Variants in SCN8A observed in about 807,000 individuals in gnomAD.
The protein encoded by SCN8A is sodium voltage-gated channel alpha subunit 8.
Under a neutral mutation model 184.1 loss-of-function variants are expected in SCN8A, and 30 were observed. The ratio of observed to expected loss-of-function variants is 0.16; its 90% CI spans 0.12 to 0.22. SCN8A has a LOEUF of 0.22. SCN8A is among the 10% of genes least tolerant of loss of function. SCN8A has a pLI of 1.00. For missense variants in SCN8A, 1,057 were observed against 2,498.9 expected (o/e 0.42, Z 12.30); for synonymous variants, 852 against 907.0 (o/e 0.94, Z 1.09).
chr12:51,721,720 C>T lies in SCN8A; in HGVS notation c.1810C>T (p.Pro604Ser), dbSNP rs1285097368. The change falls in exon 12 of 27, where the codon CCC becomes TCC. Residue 604 changes from proline to serine, a missense_variant. By Grantham distance (74) the Pro-to-Ser change is moderately conservative. Coordinates refer to ENST00000627620, the MANE Select transcript of SCN8A (RefSeq NM_001330260.2). ...GGGCCGCCGGGACTCCCTCTTCATC[C>T]CCATCCGGGCCCGCGAGCGCCGGAG... ...SEGRRDSLFI[P>S]IRARERRSSY... is the part of the protein sequence containing the mutation. 1.9e-6 allele frequency: 3 copies of T among 1,592,620 alleles called. No individual in the cohort carries two copies. Among genetic ancestry groups the T allele is most frequent in the Admixed American group, 3.6e-5 (2 of 55,462 alleles).
At chr12:51,705,736 T>C (rs1268955938) in intron 10 of SCN8A, 113 bp downstream of exon 10, 7 of 952,494 alleles carry the variant, frequency 7.3e-6, no homozygotes, top group Admixed American at 2.7e-5. Flanking sequence ...ATAGAGGCCA[T>C]TGGTCTGATG....
intron 23 of SCN8A, 90 bp from the exon 24 acceptor site, chr12:51,789,191 T>C (rs1938173478): frequency 1.4e-6 from 2 of 1,414,448 alleles, no homozygotes; most frequent in Middle Eastern, 1.8e-4. Context: ...GTTTAGCAGC[T>C]CAAATGGTCA....
chr12:51,764,843 C>T lies in SCN8A; in HGVS notation c.2545-828C>T, dbSNP rs1335349299. On this transcript the variant is annotated intron_variant, in intron 15 of 26. Transcript: ENST00000627620. ...AGGTTGAAGTGCAGTGGTGTGATCTCGGCTCACCTCAACCTCCACCTCCCA... is the reference window on the plus strand; with the variant it reads ...AGGTTGAAGTGCAGTGGTGTGATCTTGGCTCACCTCAACCTCCACCTCCCA... Among the ~76,000 whole-genome samples, 45 of 144,658 alleles carry T rather than the reference C, an allele frequency of 3.1e-4. 1 individual carries two copies. The highest frequency in any genetic ancestry group is 5.0e-4 in the Non-Finnish European group (33 of 65,862). The allele number at this position is 144,658 out of a possible 152,430, so 94.9% of individuals were successfully genotyped here. A position where few individuals can be genotyped will look rare whatever the true frequency, so the allele number is the denominator to read the frequency against.
At chr12:51,763,426 T>A (rs2138858953) in intron 15 of SCN8A, among the ~76,000 whole-genome samples, 1 of 152,346 alleles carries the variant, frequency 6.6e-6, no homozygotes, top group African/African-American at 2.4e-5. Flanking sequence ...TAAGATGTGA[T>A]GTTCAGTAGG....
intron 1 of SCN8A, among the ~76,000 whole-genome samples, chr12:51,609,022 T>G (rs1327007475): frequency 6.6e-6 from 1 of 152,258 alleles, no homozygotes; most frequent in African/African-American, 2.4e-5. Flanking sequence ...GTTACTTAAC[T>G]TCTATGTATT....
rs966400127 is a variant in SCN8A at position 51,663,100 on chromosome 12, T to A, written c.276+7T>A. 6.2e-7 allele frequency: 1 copy of A among 1,612,412 alleles called. No homozygotes were observed. The highest frequency in any genetic ancestry group is 8.5e-7 in the Non-Finnish European group (1 of 1,178,668). On this transcript the variant is annotated splice_region_variant and intron_variant, in intron 2 of 26. Transcript: ENST00000627620. ...ATACTATTTGACGCAGAAAGTGAGT[T>A]GGAGGAGGAGGAGCAGCTGCAGATA...
intron 16 of SCN8A, 114 bp from the exon 17 acceptor site, chr12:51,768,751 A>G (rs1216016793): frequency 1.3e-6 from 1 of 795,256 alleles, no homozygotes; most frequent in Non-Finnish European, 1.9e-6. Flanking sequence ...AACACAACAC[A>G]ACAGAGCCTC....
intron 26 of SCN8A, among the ~76,000 whole-genome samples, chr12:51,804,594 A>G (rs923498919): frequency 6.6e-6 from 1 of 151,482 alleles, no homozygotes; most frequent in Admixed American, 6.6e-5. Context: ...GGTTCAAGTG[A>G]TTCTCATGCC....
intron 26 of SCN8A, among the ~76,000 whole-genome samples, chr12:51,804,401 C>G (rs1405647208): frequency 2.0e-5 from 3 of 151,910 alleles, no homozygotes; most frequent in African/African-American, 4.8e-5. Context: ...TCACTGCAAC[C>G]TCTGCCTCCC....
chr12:51,699,350 C>T (rs1234029523), intron 6 of SCN8A, among the ~76,000 whole-genome samples: 1 of 152,196 alleles, frequency 6.6e-6, no homozygotes, highest in Non-Finnish European at 1.5e-5. Flanking sequence ...GCAGAAGAAT[C>T]TTTCTTTTGC....
intron 14 of SCN8A, among the ~76,000 whole-genome samples, chr12:51,760,648 T>A (rs1421196676): frequency 2.0e-5 from 3 of 152,254 alleles, no homozygotes; most frequent in African/African-American, 7.2e-5. Flanking sequence ...GTGAAATGTA[T>A]GTCAGGATTT....
intron 20 of SCN8A, among the ~76,000 whole-genome samples, chr12:51,776,984 G>C (rs1937724197): frequency 6.6e-6 from 1 of 152,124 alleles, no homozygotes. Flanking sequence ...AAAACATTCT[G>C]TTTTGCTCAG....
chr12:51,771,616 A>G (rs934721535), intron 19 of SCN8A, among the ~76,000 whole-genome samples: 1 of 152,188 alleles, frequency 6.6e-6, no homozygotes, highest in African/African-American at 2.4e-5. Flanking sequence ...GACCATGGGA[A>G]GTAAGGGGAA....
chr12:51,788,875 C>A, intron 23 of SCN8A, 127 bp downstream of exon 23: 1 of 672,200 alleles, frequency 1.5e-6, no homozygotes, highest in East Asian at 3.0e-5. Context: ...CTCTTTGGAA[C>A]ATTTATTGCT....
In SCN8A at chr12:51,704,529, G is replaced by A. The variant is rs187863576; in HGVS notation, c.1135-888G>A. ...TACTAAAAATACAAAAATTAGCTGG[G>A]CATGGTGGCACATGCCTGTAATCCC... On this transcript the variant is annotated intron_variant, in intron 9 of 26. Transcript: ENST00000627620. 3.4e-4 allele frequency among the ~76,000 whole-genome samples: 52 copies of A among 151,658 alleles called. No homozygotes were observed. The East Asian group carries it at 0.01, about 30-fold the overall frequency.
chr12:51,640,169 A>G (rs1940417001), intron 1 of SCN8A, among the ~76,000 whole-genome samples: 1 of 124,056 alleles, frequency 8.1e-6, no homozygotes, highest in African/African-American at 3.1e-5. Flanking sequence ...CCTTGACCTC[A>G]CAAAGTGCTG....
intron 15 of SCN8A, 78 bp downstream of exon 15, chr12:51,762,754 G>C: frequency 7.8e-7 from 1 of 1,284,948 alleles, no homozygotes; most frequent in Non-Finnish European, 1.0e-6. Flanking sequence ...AAATTAATTT[G>C]ATGATTTAAA....
chr12:51,718,852 T>G (rs1395729367), intron 11 of SCN8A, among the ~76,000 whole-genome samples: 1 of 152,154 alleles, frequency 6.6e-6, no homozygotes, highest in Non-Finnish European at 1.5e-5. Context: ...CCCACATAAT[T>G]ATTAGTAAAT....
intron 2 of SCN8A, among the ~76,000 whole-genome samples, chr12:51,677,363 C>T (rs1941240249): frequency 6.6e-6 from 1 of 152,062 alleles, no homozygotes; most frequent in Non-Finnish European, 1.5e-5. Flanking sequence ...GCTGGGATTA[C>T]AGGATTACAG....
Sources: gnomAD v4.1 joint callset for allele counts (sites outside exome capture counted in the v4.1 genomes callset) on GRCh38, gnomAD v4.1.1 for gene constraint, MANE v1.5 for transcripts, NCBI Gene and HGNC (gene_info 2026-07-23, HGNC 2026-07-21) for gene names.